PRX: variants seen among roughly 807,000 people sequenced by gnomAD.
PRX encodes periaxin.
PRX carries 24 observed loss-of-function variants against 29.6 expected under a neutral mutation model. The ratio of observed to expected loss-of-function variants is 0.81; its 90% CI spans 0.59 to 1.14. The LOEUF (loss-of-function observed/expected upper bound fraction) is 1.14. PRX is among the 50% of genes most tolerant of loss of function. The probability of loss-of-function intolerance (pLI) is 0.00; values close to 1 mark genes in which losing one functional copy is unlikely to be tolerated. For synonymous variants in PRX, 772 were observed against 831.7 expected, an observed-to-expected ratio of 0.93 and a Z score of 1.24; for missense variants, 1,838 against 1,926.4, an observed-to-expected ratio of 0.95 and a Z score of 0.86.
chr19:40,399,877 TTC>T (rs1568711652), intron 5 of PRX, among the ~76,000 whole-genome samples: 3 of 68,002 alleles, frequency 4.4e-5, no homozygotes, highest in African/African-American at 2.7e-4. Flanking sequence ...CTTTCTTTCT[TTC>T]TTTCTTTCTT....
In PRX at chr19:40,398,463, T is replaced by G. The variant is rs931100376; in HGVS notation, c.381+157A>C. The G allele has an allele frequency of 6.6e-7, 1 of 1,522,480 alleles. No homozygotes were observed. Among genetic ancestry groups the G allele is most frequent in the Non-Finnish European group, 8.8e-7 (1 of 1,138,682 alleles). The allele number at this position is 1,522,480 out of a possible 1,614,324, so 94.3% of individuals were successfully genotyped here. ...GTCTGTCCCCCTTCCCGGGGAAGAG[T>G]TTGGGGCAGAGAGGAAGGGGCAGAG... is the stretch of plus-strand genomic sequence containing the variant. On this transcript the variant is annotated intron_variant, in intron 6 of 6. Coordinates refer to ENST00000324001, the MANE Select transcript of PRX (RefSeq NM_181882.3). This position sits in a 1 kb window ranked among gnomAD's most constrained non-coding sequence, Gnocchi z 6.3.
rs994127306 is a variant in PRX, at chr19:40,403,691, C to G, written c.184+15G>C. 6.5e-6 allele frequency: 10 copies of G among 1,542,072 alleles called. No homozygotes were observed. The highest frequency in any genetic ancestry group is 8.7e-7 in the Non-Finnish European group (1 of 1,143,418). On this transcript the variant is annotated intron_variant, in intron 5 of 6. Coordinates refer to ENST00000324001, the MANE Select transcript of PRX (RefSeq NM_181882.3). ...CCCGCAGTTCGACCCCGCCCCACACCCCGGGCCCGCCCACCTTCCTGCAGG... is the reference window on the plus strand; with the variant it reads ...CCCGCAGTTCGACCCCGCCCCACACGCCGGGCCCGCCCACCTTCCTGCAGG...
At position 40,398,964 on chromosome 19, in the gene PRX, A is replaced by T; in HGVS notation, c.185-148T>A. 1 of 1,487,906 alleles carries T rather than the reference A, an allele frequency of 6.7e-7. No individual in the cohort carries two copies. Among genetic ancestry groups the T allele is most frequent in the Non-Finnish European group, 9.0e-7 (1 of 1,115,180 alleles). The allele number at this position is 1,487,906 out of a possible 1,614,324, so 92.2% of individuals were successfully genotyped here. The stretch of plus-strand genomic sequence containing the variant: ...CCCAGCGCAGGATTAAGTCGCAGTT[A>T]CGCTAGTCCCCGCCCCATGACCTTA... On this transcript the variant is annotated intron_variant, in intron 5 of 6. Coordinates refer to ENST00000324001, the MANE Select transcript of PRX (RefSeq NM_181882.3). This position sits in a 1 kb window ranked among gnomAD's most constrained non-coding sequence, Gnocchi z 6.3.
In PRX at chr19:40,400,592, CAAAAAAAA is replaced by C. The variant is rs71171569; in HGVS notation, c.185-1784_185-1777del. 3.8e-4 allele frequency among the ~76,000 whole-genome samples: 17 copies of C among 44,830 alleles called. No individual in the cohort carries two copies. In the East Asian group the frequency reaches 5.6e-3, roughly 15 times the overall value. 29.4% of individuals were successfully genotyped at this position (44,830 alleles called of 152,430 possible). On this transcript the variant is annotated intron_variant, in intron 5 of 6. Coordinates refer to ENST00000324001, the MANE Select transcript of PRX (RefSeq NM_181882.3). ...GGGCAACAAGAGCGAAATTCCATCT[CAAAAAAAA>C]AAAAAAAAAAAAAAAAAAGACAAGA... is the stretch of plus-strand genomic sequence containing the variant.
rs1289149165 is a variant in PRX, at chr19:40,396,634, T to G, written c.1718A>C (p.Gln573Pro). 1.2e-6 allele frequency: 2 copies of G among 1,614,026 alleles called. No homozygotes were observed. The highest frequency in any genetic ancestry group is 2.7e-5 in the African/African-American group (2 of 74,926). ...AVPEVRLPEV[Q>P]LPKVPEMKVP... The stretch of plus-strand genomic sequence containing the variant: ...TTTCATCTCTGGCACTTTCGGCAGC[T>G]GCACCTCTGGAAGCCGCACCTCTGG... The change falls in exon 7 of 7, where the codon CAG becomes CCG. Residue 573 changes from glutamine (Q) to proline (P), a missense_variant. Gln to Pro is a moderately conservative substitution (Grantham distance 76). Coordinates refer to ENST00000324001, the MANE Select transcript of PRX (RefSeq NM_181882.3).
At position 40,407,980 on chromosome 19, in the gene PRX, C is replaced by T. The variant is rs1416988998; in HGVS notation, c.-48G>A. ...ACCCCAGGCTCCTGTGTCCTCTCCC[C>T]TTTCTGCTGCAGAACCAGCTTCAGT... On this transcript the variant is annotated 5_prime_UTR_variant, in exon 4 of 7. Transcript: ENST00000324001. 6.2e-7 allele frequency: 1 copy of T among 1,612,934 alleles called. No homozygotes were observed. The highest frequency in any genetic ancestry group is 8.5e-7 in the Non-Finnish European group (1 of 1,179,842).
Position 40,394,200 on chromosome 19 carries a change from C to A in PRX, c.4152G>T (p.Ala1384=). ...GCCCCCGAGAGGCTTTAGAAGGGGC[C>A]GCCAGGCCTACACGTGGCAAGCGGA... is the stretch of plus-strand genomic sequence containing the variant. ...VRVRLPRVGL[A]APSKASRGQE... is the part of the protein sequence containing the mutation. Residue 1384 remains alanine, a synonymous_variant, in exon 7 of 7, where the codon GCG becomes GCT. Coordinates refer to ENST00000324001, the MANE Select transcript of PRX (RefSeq NM_181882.3). This position sits in a 1 kb window ranked among gnomAD's most constrained non-coding sequence, Gnocchi z 5.8. The A allele has an allele frequency of 6.3e-7, 1 of 1,591,138 alleles. No individual in the cohort carries two copies. Among genetic ancestry groups the A allele is most frequent in the Non-Finnish European group, 8.6e-7 (1 of 1,165,456 alleles).
chr19:40,400,227 C>T (rs2079484391), intron 5 of PRX, among the ~76,000 whole-genome samples: 1 of 148,714 alleles, frequency 6.7e-6, no homozygotes, highest in Admixed American at 6.7e-5. Flanking sequence ...GGTGATCTGC[C>T]CGCCTTGGCC....
intron 5 of PRX, among the ~76,000 whole-genome samples, chr19:40,401,505 T>A (rs1239026392): frequency 2.6e-5 from 4 of 152,116 alleles, no homozygotes; most frequent in African/African-American, 9.7e-5. Context: ...AATTCACGTT[T>A]CTCCCTGCTC....
intron 4 of PRX, chr19:40,407,700 A>G (rs2079538472): frequency 1.4e-6 from 1 of 697,650 alleles, no homozygotes; most frequent in Middle Eastern, 3.3e-4. Context: ...CTTGAGTCTT[A>G]GCCTGTGCCA....
At position 40,396,393 on chromosome 19, in the gene PRX, G is replaced by T. The variant is rs760652185; in HGVS notation, c.1959C>A (p.His653Gln). 4 of 1,613,102 alleles carry T rather than the reference G, an allele frequency of 2.5e-6. No individual in the cohort carries two copies. Among genetic ancestry groups the T allele is most frequent in the Non-Finnish European group, 3.4e-6 (4 of 1,179,848 alleles). ...KVPEMAVPDV[H>Q]LPEVQLPKVP... is the part of the protein sequence containing the mutation. ...CTTTCGGGAGCTGCACTTCCGGGAGGTGCACATCGGGCACAGCCATCTCGG... is the reference window on the plus strand; with the variant it reads ...CTTTCGGGAGCTGCACTTCCGGGAGTTGCACATCGGGCACAGCCATCTCGG... Residue 653 changes from histidine to glutamine, a missense_variant, in exon 7 of 7, where the codon CAC becomes CAA. By Grantham distance (24) the His-to-Gln change is conservative. Coordinates refer to ENST00000324001, the MANE Select transcript of PRX (RefSeq NM_181882.3).
chr19:40,408,792 G>A (rs1035543699), intron 1 of PRX, among the ~76,000 whole-genome samples: 3 of 148,400 alleles, frequency 2.0e-5, no homozygotes, highest in East Asian at 1.9e-4. Context: ...CACAACACCC[G>A]GCTACGTTTT....
In PRX at chr19:40,397,559, C is replaced by T. The variant is rs1298913150; in HGVS notation, c.793G>A (p.Gly265Ser). ...KAAPSAEAAG[G>S]FALHLPTLGL... is the part of the protein sequence containing the mutation. ...AGGGTTGGCAGGTGGAGGGCAAAGCCACCAGCTGCCTCTGCTGAGGGGGCA... is the reference window on the plus strand; with the variant it reads ...AGGGTTGGCAGGTGGAGGGCAAAGCTACCAGCTGCCTCTGCTGAGGGGGCA... The change falls in exon 7 of 7, where the codon GGC (glycine) becomes AGC (serine). Residue 265 changes from glycine (G) to serine (S), a missense_variant. Physicochemically the swap from Gly to Ser is moderately conservative, Grantham distance 56. Transcript: ENST00000324001. The T allele has an allele frequency of 2.7e-5, 42 of 1,540,750 alleles. No individual in the cohort carries two copies. Among genetic ancestry groups the T allele is most frequent in the Non-Finnish European group, 3.4e-5 (39 of 1,145,448 alleles).
In PRX at chr19:40,397,541, G is replaced by A. The variant is rs1484597799; in HGVS notation, c.811C>T (p.Pro271Ser). ...GCCGGGGCTCCGAGCCCAAGGGTTG[G>A]CAGGTGGAGGGCAAAGCCACCAGCT... Reference protein sequence around the residue: ...EAAGGFALHLPTLGLGAPAPP... With the variant: ...EAAGGFALHLSTLGLGAPAPP... Residue 271 changes from proline to serine, a missense_variant, in exon 7 of 7, where the codon CCA becomes TCA. Physicochemically the swap from Pro to Ser is moderately conservative, Grantham distance 74 (BLOSUM62 -1). Around this residue, in one of 3 missense-constraint regions of PRX, gnomAD observed 666 missense variants for 665.0 expected, o/e 1.00. Coordinates refer to ENST00000324001, the MANE Select transcript of PRX (RefSeq NM_181882.3). 6.5e-7 allele frequency: 1 copy of A among 1,541,966 alleles called. No homozygotes were observed.
At chr19:40,412,693 G>A (rs2079563871) in intron 1 of PRX, among the ~76,000 whole-genome samples, 1 of 151,978 alleles carries the variant, frequency 6.6e-6, no homozygotes, top group South Asian at 2.1e-4. Context: ...CCCACCCCAG[G>A]CCTCCTGCCC....
At position 40,394,034 on chromosome 19, in the gene PRX, C is replaced by T. The variant is rs138437458; in HGVS notation, c.4318G>A (p.Val1440Met). Residue 1440 changes from valine (V) to methionine (M), a missense_variant, in exon 7 of 7, where the codon GTG (valine) becomes ATG (methionine). Val to Met is a conservative substitution (Grantham distance 21, BLOSUM62 1). Around this residue, in one of 3 missense-constraint regions of PRX, gnomAD observed 1,143 missense variants for 1,193.0 expected, o/e 0.96. Coordinates refer to ENST00000324001, the MANE Select transcript of PRX (RefSeq NM_181882.3). This position sits in a 1 kb window ranked among gnomAD's most constrained non-coding sequence, Gnocchi z 5.8. ...EGGLRVRLPS[V>M]GFSETGAPGP... ...GGAGCCCCTGTCTCTGAAAACCCCA[C>T]GCTGGGCAGCCGCACCCGCAATCCA... 2.0e-5 allele frequency: 33 copies of T among 1,613,370 alleles called. No homozygotes were observed. Among genetic ancestry groups the T allele is most frequent in the Admixed American group, 5.0e-5 (3 of 59,970 alleles).
rs555499679 is a variant in PRX, at chr19:40,397,859, G to A, written c.493C>T (p.Arg165Cys). Residue 165 changes from arginine to cysteine, a missense_variant, in exon 7 of 7, where the codon CGC becomes TGC. By Grantham distance (180) the Arg-to-Cys change is radical. Transcript: ENST00000324001. ...TCGGCTTTGAGGCCCCGACGCAGGC[G>A]GGAGAACTTGGGAAAGGAGAACTCG... The part of the protein sequence containing the change: ...DVEFSFPKFS[R>C]LRRGLKAEAV... The A allele has an allele frequency of 3.0e-4, 487 of 1,606,828 alleles. 5 individuals carry two copies. In the South Asian group the frequency reaches 5.1e-3, roughly 17 times the overall value.
In PRX at chr19:40,394,736, C is replaced by T. The variant is rs1323311199; in HGVS notation, c.3616G>A (p.Val1206Met). The change falls in exon 7 of 7, where the codon GTG becomes ATG. Residue 1206 changes from valine to methionine, a missense_variant. Around this residue, in one of 3 missense-constraint regions of PRX, gnomAD observed 1,143 missense variants for 1,193.0 expected, o/e 0.96. Transcript: ENST00000324001. The surrounding 1 kb of genome is among the most constrained non-coding windows in gnomAD (Gnocchi z 5.8). ...GAQVAGGELLVGEGVFKMPTV... is the reference protein window; with the variant it reads ...GAQVAGGELLMGEGVFKMPTV... ...GGCATCTTAAAGACACCCTCACCCA[C>T]CAGCAGCTCACCACCTGCAACCTGG... 1 of 1,613,290 alleles carries T rather than the reference C, an allele frequency of 6.2e-7. No individual in the cohort carries two copies. The highest frequency in any genetic ancestry group is 8.5e-7 in the Non-Finnish European group (1 of 1,180,034).
chr19:40,411,642 T>G (rs1314544789), intron 1 of PRX, among the ~76,000 whole-genome samples: 1 of 152,130 alleles, frequency 6.6e-6, no homozygotes, highest in African/African-American at 2.4e-5. Flanking sequence ...AGCCCAACTG[T>G]GCTCTTCCTG....
Sources: allele counts gnomAD v4.1 joint callset (sites outside exome capture counted in the v4.1 genomes callset), GRCh38; gene constraint gnomAD v4.1.1; regional missense constraint gnomAD v4.1.1; non-coding constraint Gnocchi (gnomAD v3.1); transcripts MANE v1.5; gene names NCBI Gene and HGNC (gene_info 2026-07-23, HGNC 2026-07-21).